PPARGC1A: variants seen among roughly 807,000 people sequenced by gnomAD.
PPARGC1A encodes PPARG coactivator 1 alpha, also known as peroxisome proliferator-activated receptor gamma coactivator 1-alpha.
PPARGC1A carries 25 observed loss-of-function variants against 88.7 expected under a neutral mutation model. The ratio of observed to expected loss-of-function variants is 0.28; its 90% CI spans 0.21 to 0.39. PPARGC1A has a LOEUF of 0.39. PPARGC1A is among the 10% of genes least tolerant of loss of function. The probability of loss-of-function intolerance (pLI) is 1.00; values close to 1 mark genes in which losing one functional copy is unlikely to be tolerated. For missense variants in PPARGC1A, 880 were observed against 968.7 expected, an observed-to-expected ratio of 0.91 and a Z score of 1.22; for synonymous variants, 363 against 355.6, an observed-to-expected ratio of 1.02 and a Z score of -0.24.
chr4:24,005,109 G>T, the PPARGC1A span, among the ~76,000 whole-genome samples: 3 of 152,120 alleles, frequency 2.0e-5, no homozygotes, highest in Admixed American at 6.5e-5. Context: ...TAGGTCCCTA[G>T]GTTATTCCTA....
chr4:23,967,545 A>G, the PPARGC1A span, among the ~76,000 whole-genome samples: 10 of 152,120 alleles, frequency 6.6e-5, no homozygotes, highest in Admixed American at 1.3e-4. Context: ...GTCAGGTTCA[A>G]GGGAAGGAAT....
upstream of PPARGC1A, among the ~76,000 whole-genome samples, chr4:23,891,251 C>T (rs1476418990): frequency 1.3e-5 from 2 of 152,212 alleles, no homozygotes; most frequent in South Asian, 4.2e-4. Flanking sequence ...CTTCCAAGTT[C>T]CCAGGAGATG....
the PPARGC1A span, among the ~76,000 whole-genome samples, chr4:24,462,551 G>A: frequency 1.9e-4 from 29 of 151,818 alleles, no homozygotes; most frequent in African/African-American, 6.3e-4. Flanking sequence ...GTGTGACCTT[G>A]GCTACGTTAC....
the PPARGC1A span, among the ~76,000 whole-genome samples, chr4:23,965,925 T>C: frequency 6.6e-6 from 1 of 152,140 alleles, no homozygotes; most frequent in South Asian, 2.1e-4. Flanking sequence ...TTGGAAACAG[T>C]TTTTATGGCA....
At chr4:23,839,311 G>C (rs1726616955) in intron 2 of PPARGC1A, among the ~76,000 whole-genome samples, 1 of 152,136 alleles carries the variant, frequency 6.6e-6, no homozygotes, top group Non-Finnish European at 1.5e-5. Context: ...TGCAAAATGA[G>C]CTATTTCAGG....
chr4:23,827,911 GAAGAAAGAAC>G (rs1209750285), intron 5 of PPARGC1A, among the ~76,000 whole-genome samples: 1 of 151,790 alleles, frequency 6.6e-6, no homozygotes, highest in Non-Finnish European at 1.5e-5. Flanking sequence ...GGAGAAAGAA[GAAGAAAGAAC>G]AAGAAGAATT....
At chr4:23,882,916 T>A (rs924109435) in intron 2 of PPARGC1A, 5 of 152,092 alleles carry the variant, frequency 3.3e-5, no homozygotes, top group African/African-American at 1.2e-4. Flanking sequence ...AGGCATTGAC[T>A]CCTATGCCAT....
At chr4:23,955,423 C>G in the PPARGC1A span, among the ~76,000 whole-genome samples, 2 of 152,000 alleles carry the variant, frequency 1.3e-5, no homozygotes, top group Non-Finnish European at 2.9e-5. Context: ...AGTATCTACA[C>G]CACATTGTAG....
intron 7 of PPARGC1A, among the ~76,000 whole-genome samples, chr4:23,817,570 A>G (rs1284942729): frequency 2.0e-5 from 3 of 152,182 alleles, no homozygotes; most frequent in Admixed American, 6.5e-5. Flanking sequence ...GAGACCATCA[A>G]ATATGCCCTG....
the PPARGC1A span, among the ~76,000 whole-genome samples, chr4:24,125,774 C>T: frequency 0.17 from 26,202 of 152,122 alleles, 2,461 homozygotes; most frequent in East Asian, 0.27. Flanking sequence ...TGACTTATCT[C>T]TACAGTAGGA....
the PPARGC1A span, among the ~76,000 whole-genome samples, chr4:24,201,690 A>G: frequency 6.6e-6 from 1 of 152,200 alleles, no homozygotes; most frequent in Non-Finnish European, 1.5e-5. Context: ...GAAAAACAAA[A>G]GTACACATAA....
chr4:24,212,548 T>C, the PPARGC1A span, among the ~76,000 whole-genome samples: 3 of 152,212 alleles, frequency 2.0e-5, no homozygotes, highest in African/African-American at 7.2e-5. Flanking sequence ...TTTATAACAA[T>C]GCCTGGTGCC....
chr4:24,258,131 G>T, the PPARGC1A span: 1 of 739,358 alleles, frequency 1.4e-6, no homozygotes, highest in Non-Finnish European at 1.7e-6. Flanking sequence ...TCCTGATATG[G>T]CAAGAGCAGA....
At chr4:23,987,095 G>C in the PPARGC1A span, among the ~76,000 whole-genome samples, 4 of 152,022 alleles carry the variant, frequency 2.6e-5, no homozygotes, top group Admixed American at 1.3e-4. Context: ...GTAGATATTT[G>C]ATGGATGCAA....
Position 23,795,766 on chromosome 4 carries a change from C to T in PPARGC1A, c.*56G>A, listed in dbSNP as rs752278276. 2.1e-5 allele frequency: 28 copies of T among 1,351,226 alleles called. No homozygotes were observed. The highest frequency in any genetic ancestry group is 1.8e-4 in the Middle Eastern group (1 of 5,434). The allele number at this position is 1,351,226 out of a possible 1,614,324, so 83.7% of individuals were successfully genotyped here. A position where few individuals can be genotyped will look rare whatever the true frequency, so the allele number is the denominator to read the frequency against. On this transcript the variant is annotated 3_prime_UTR_variant, in exon 13 of 13. Transcript: ENST00000264867. ...ACTTGCAATAGTCTTTAGGGAAGGA[C>T]GCGCTGTCCCATGAGGTATTCGCCA...
At chr4:24,304,505 G>T in the PPARGC1A span, among the ~76,000 whole-genome samples, 24 of 152,252 alleles carry the variant, frequency 1.6e-4, no homozygotes, top group South Asian at 5.0e-3. Context: ...GACACAGAAA[G>T]GTTAAATTAC....
chr4:24,341,491 C>T, the PPARGC1A span, among the ~76,000 whole-genome samples: 2 of 152,044 alleles, frequency 1.3e-5, no homozygotes, highest in Non-Finnish European at 2.9e-5. Flanking sequence ...TGCAGTCTAG[C>T]GGGTGAGGCA....
chr4:24,191,780 C>G, the PPARGC1A span, among the ~76,000 whole-genome samples: 3 of 152,212 alleles, frequency 2.0e-5, no homozygotes, highest in South Asian at 2.1e-4. Flanking sequence ...CACAGCCCAT[C>G]ATGAGAACAA....
At chr4:24,372,177 T>C in the PPARGC1A span, among the ~76,000 whole-genome samples, 1 of 152,200 alleles carries the variant, frequency 6.6e-6, no homozygotes, top group Non-Finnish European at 1.5e-5. Context: ...TACTTCCCAG[T>C]CTTACCCTAA....
Sources: gnomAD v4.1 joint callset for allele counts (sites outside exome capture counted in the v4.1 genomes callset) on GRCh38, gnomAD v4.1.1 for gene constraint, MANE v1.5 for transcripts, NCBI Gene and HGNC (gene_info 2026-07-23, HGNC 2026-07-21) for gene names.